DSCAM: variants seen among roughly 807,000 people sequenced by gnomAD.
DSCAM encodes the protein cell adhesion molecule DSCAM.
DSCAM carries 47 observed loss-of-function variants against 217.7 expected under a neutral mutation model. The observed-to-expected ratio is 0.22, with a 90% CI of 0.17 to 0.28. The LOEUF is 0.28. DSCAM is among the 10% of genes least tolerant of loss of function. DSCAM has a pLI of 1.00. For synonymous variants in DSCAM, 1,056 were observed against 1,015.3 expected (o/e 1.04, Z -0.76); for missense variants, 2,080 against 2,618.3 (o/e 0.79, Z 4.49).
intron 20 of DSCAM, among the ~76,000 whole-genome samples, chr21:40,121,077 G>GAA (rs561074767): frequency 8.6e-4 from 130 of 151,134 alleles, no homozygotes; most frequent in African/African-American, 2.6e-3. Flanking sequence ...TCATTTCAAA[G>GAA]AAAAAAAAAT....
At chr21:40,697,459 T>C (rs2090608165) in intron 2 of DSCAM, among the ~76,000 whole-genome samples, 1 of 152,220 alleles carries the variant, frequency 6.6e-6, no homozygotes, top group African/African-American at 2.4e-5. Context: ...AGTAATTTCA[T>C]AGTTTCAAGA....
intron 1 of DSCAM, among the ~76,000 whole-genome samples, chr21:40,733,911 AGAT>A (rs1402889177): frequency 6.6e-5 from 10 of 152,276 alleles, no homozygotes; most frequent in South Asian, 2.1e-4. Flanking sequence ...TGTCATAAAC[AGAT>A]GATATTTGAT....
intron 1 of DSCAM, among the ~76,000 whole-genome samples, chr21:40,835,142 T>C (rs530815556): frequency 1.5e-4 from 23 of 152,376 alleles, no homozygotes; most frequent in African/African-American, 5.3e-4. Context: ...TCTCTCATTT[T>C]TATTTTTTTT....
chr21:40,674,209 A>C (rs1601839743), intron 3 of DSCAM, among the ~76,000 whole-genome samples: 1 of 152,198 alleles, frequency 6.6e-6, no homozygotes, highest in Non-Finnish European at 1.5e-5. Context: ...GAATACACTC[A>C]ACTTGGAGAT....
intron 3 of DSCAM, among the ~76,000 whole-genome samples, chr21:40,434,234 G>A (rs950207860): frequency 8.5e-5 from 13 of 152,250 alleles, no homozygotes; most frequent in Admixed American, 6.5e-5. Flanking sequence ...GACAGGATAC[G>A]TTTAACCCTT....
chr21:40,785,410 A>G (rs75925549), intron 1 of DSCAM, among the ~76,000 whole-genome samples: 1 of 152,354 alleles, frequency 6.6e-6, no homozygotes, highest in Non-Finnish European at 1.5e-5. Flanking sequence ...TGGTCCCACC[A>G]TGGAAAAGGT....
chr21:40,249,998 G>C (rs540492897), intron 11 of DSCAM, among the ~76,000 whole-genome samples: 10 of 152,330 alleles, frequency 6.6e-5, no homozygotes, highest in African/African-American at 2.2e-4. Flanking sequence ...AAAGGAAGCT[G>C]AGGTCCTTCT....
At chr21:40,773,477 G>A (rs1206230112) in intron 1 of DSCAM, among the ~76,000 whole-genome samples, 1 of 152,098 alleles carries the variant, frequency 6.6e-6, no homozygotes, top group South Asian at 2.1e-4. Flanking sequence ...TGGATTTAGG[G>A]CTTATAGTAA....
chr21:40,301,014 T>C (rs1454905296), intron 9 of DSCAM, among the ~76,000 whole-genome samples: 2 of 152,188 alleles, frequency 1.3e-5, no homozygotes, highest in Non-Finnish European at 2.9e-5. Context: ...TTTCTCCCTT[T>C]CTAATCTCAT....
intron 14 of DSCAM, among the ~76,000 whole-genome samples, chr21:40,184,267 C>T (rs987815422): frequency 1.3e-5 from 2 of 152,124 alleles, no homozygotes; most frequent in African/African-American, 2.4e-5. Context: ...GAGGAAGAAA[C>T]TAATACATGA....
chr21:40,837,018 C>T (rs754871885), intron 1 of DSCAM, among the ~76,000 whole-genome samples: 2 of 152,150 alleles, frequency 1.3e-5, no homozygotes, highest in Non-Finnish European at 2.9e-5. Context: ...CCCAGAACAC[C>T]GGGGTGTTGA....
At chr21:40,224,672 T>C (rs1341418694) in intron 11 of DSCAM, among the ~76,000 whole-genome samples, 1 of 152,188 alleles carries the variant, frequency 6.6e-6, no homozygotes, top group Non-Finnish European at 1.5e-5. Flanking sequence ...ATAAATGACA[T>C]CTTAAATCTG....
At chr21:40,056,009 T>C (rs1164864327) in intron 28 of DSCAM, among the ~76,000 whole-genome samples, 169 bp from the exon 29 acceptor site, 4 of 152,220 alleles carry the variant, frequency 2.6e-5, no homozygotes, top group Non-Finnish European at 5.9e-5. Flanking sequence ...TCAAATGTTA[T>C]TTATTTATTA....
At chr21:40,187,433 C>T (rs1429696402) in intron 13 of DSCAM, among the ~76,000 whole-genome samples, 174 bp from the exon 14 acceptor site, 1 of 152,210 alleles carries the variant, frequency 6.6e-6, no homozygotes, top group African/African-American at 2.4e-5. Flanking sequence ...AGAGAAATTC[C>T]ACTTTCCCAA....
intron 3 of DSCAM, among the ~76,000 whole-genome samples, chr21:40,520,175 A>T (rs1453173753): frequency 2.6e-5 from 4 of 152,128 alleles, no homozygotes; most frequent in African/African-American, 4.8e-5. Context: ...TGCTCCTAGA[A>T]TAAATTCTAG....
At chr21:40,430,430 A>G (rs2075519625) in intron 3 of DSCAM, among the ~76,000 whole-genome samples, 1 of 152,204 alleles carries the variant, frequency 6.6e-6, no homozygotes, top group South Asian at 2.1e-4. Context: ...GCAGAAAAAC[A>G]TGAAAACAAG....
At chr21:40,379,447 C>G (rs951468124) in intron 3 of DSCAM, among the ~76,000 whole-genome samples, 10 of 152,192 alleles carry the variant, frequency 6.6e-5, no homozygotes, top group African/African-American at 2.2e-4. Context: ...GCTTTTCAAG[C>G]TGGTCGCTAC....
intron 3 of DSCAM, among the ~76,000 whole-genome samples, chr21:40,579,791 T>C (rs1224550897): frequency 2.0e-5 from 3 of 151,808 alleles, no homozygotes; most frequent in Non-Finnish European, 4.4e-5. Context: ...TTTTCAGATA[T>C]AAGAATAAAA....
Position 40,430,717 on chromosome 21 carries a change from G to A in DSCAM, c.509-61472C>T, listed in dbSNP as rs372354675. Among the ~76,000 whole-genome samples, 44 of 152,276 alleles carry A rather than the reference G, an allele frequency of 2.9e-4. 1 individual carries two copies. The highest frequency in any genetic ancestry group is 6.8e-3 in the Middle Eastern group (2 of 294). On this transcript the variant is annotated intron_variant, in intron 3 of 32. Transcript: ENST00000400454. ...TGGTTTTCAGGGCCCTGGCTCTACC[G>A]CTGGACTCCTGTCTATCTTCCTCCT... is the stretch of plus-strand genomic sequence containing the variant.
Sources: gnomAD v4.1 joint callset for allele counts (sites outside exome capture counted in the v4.1 genomes callset) on GRCh38, gnomAD v4.1.1 for gene constraint, MANE v1.5 for transcripts, NCBI Gene and HGNC (gene_info 2026-07-23, HGNC 2026-07-21) for gene names.